Variants in UHRF2 observed in about 807,000 individuals in gnomAD.
The protein encoded by UHRF2 is ubiquitin like with PHD and ring finger domains 2.
UHRF2 carries 23 observed loss-of-function variants against 96.8 expected under a neutral mutation model. The ratio of observed to expected loss-of-function variants is 0.24; its 90% CI spans 0.17 to 0.34. UHRF2 has a LOEUF of 0.34. Ranked by LOEUF, UHRF2 falls within the 10% of genes least tolerant of loss-of-function variation. UHRF2 has a pLI of 1.00. For missense variants in UHRF2, 685 were observed against 981.5 expected, an observed-to-expected ratio of 0.70 and a Z score of 4.04; for synonymous variants, 385 against 332.6, an observed-to-expected ratio of 1.16 and a Z score of -1.72.
intron 5 of UHRF2, among the ~76,000 whole-genome samples, chr9:6,476,562 G>T (rs1468002208): frequency 6.6e-6 from 1 of 152,042 alleles, no homozygotes; most frequent in South Asian, 2.1e-4. Context: ...TAGATTCTAG[G>T]TCTTTTAATT....
At chr9:6,438,991 T>C (rs1287074563) in intron 3 of UHRF2, among the ~76,000 whole-genome samples, 1 of 152,230 alleles carries the variant, frequency 6.6e-6, no homozygotes, top group Admixed American at 6.5e-5. Flanking sequence ...GTAGAAGATG[T>C]AATTCTAAAA....
In UHRF2 at chr9:6,434,014, A is replaced by C. The variant is rs138712647; in HGVS notation, c.485A>C (p.Lys162Thr). ...TRASDGQSRGKTPLKNGSSCK... is the reference protein window; with the variant it reads ...TRASDGQSRGTTPLKNGSSCK... ...GCTTCTGATGGACAGTCACGTGGCA[A>C]AACTCCACTGAAGAATGGCAGTTCT... Residue 162 changes from lysine to threonine, a missense_variant, in exon 3 of 16, where the codon AAA becomes ACA. Lys to Thr is a moderately conservative substitution (Grantham distance 78). Around this residue, in one of 6 missense-constraint regions of UHRF2, gnomAD observed 391 missense variants for 437.0 expected, o/e 0.89. Transcript: ENST00000276893. 6.2e-7 allele frequency: 1 copy of C among 1,614,130 alleles called. No individual in the cohort carries two copies. Among genetic ancestry groups the C allele is most frequent in the African/African-American group, 1.3e-5 (1 of 75,062 alleles).
Position 6,475,419 on chromosome 9 carries a change from A to G in UHRF2, c.892A>G (p.Lys298Glu), listed in dbSNP as rs771157384. Residue 298 changes from lysine to glutamate, a missense_variant, in exon 5 of 16, where the codon AAG becomes GAG. Physicochemically the swap from Lys to Glu is moderately conservative, Grantham distance 56. This residue lies in a region of UHRF2 where 391 missense variants were observed against 437.0 expected (regional missense o/e 0.89). Transcript: ENST00000276893. ...TTCTGAAGGAACATTAAATGACTGC[A>G]AGATAATATCTGTAGATGAAATCTT... ...GGSEGTLNDC[K>E]IISVDEIFKI... 2 of 1,578,418 alleles carry G rather than the reference A, an allele frequency of 1.3e-6. No individual in the cohort carries two copies. Among genetic ancestry groups the G allele is most frequent in the South Asian group, 2.4e-5 (2 of 83,700 alleles).
intron 2 of UHRF2, among the ~76,000 whole-genome samples, chr9:6,422,148 T>C (rs1339654754): frequency 6.6e-6 from 1 of 152,236 alleles, no homozygotes; most frequent in Non-Finnish European, 1.5e-5. Flanking sequence ...CAAACTACTA[T>C]ACTTGGTTCC....
intron 4 of UHRF2, among the ~76,000 whole-genome samples, chr9:6,469,761 CACGT>C (rs763882994): frequency 1.4e-5 from 2 of 144,782 alleles, no homozygotes; most frequent in Non-Finnish European, 3.0e-5. Flanking sequence ...TATATATACA[CACGT>C]ATATATGTGT....
chr9:6,471,193 G>A (rs1279275958), intron 4 of UHRF2, among the ~76,000 whole-genome samples: 2 of 152,118 alleles, frequency 1.3e-5, no homozygotes, highest in African/African-American at 4.8e-5. Flanking sequence ...AATGAAACAG[G>A]GTGGTATGGT....
At chr9:6,451,731 A>T (rs1046291294) in intron 3 of UHRF2, among the ~76,000 whole-genome samples, 4 of 151,412 alleles carry the variant, frequency 2.6e-5, no homozygotes, top group African/African-American at 4.9e-5. Flanking sequence ...TCGGCCTCCC[A>T]AAGTGCTGGG....
intron 5 of UHRF2, 30 bp from the exon 6 acceptor site, chr9:6,477,592 C>G (rs768116391): frequency 4.5e-6 from 7 of 1,557,888 alleles, no homozygotes; most frequent in East Asian, 2.3e-5. Flanking sequence ...TGTTTTAAGA[C>G]TAGACTTGCT....
chr9:6,433,224 A>G (rs369599038), intron 2 of UHRF2, among the ~76,000 whole-genome samples: 3 of 152,080 alleles, frequency 2.0e-5, no homozygotes, highest in African/African-American at 7.2e-5. Context: ...CTGTTTTTTA[A>G]TACTCCTTCC....
At position 6,500,081 on chromosome 9, in the gene UHRF2, A is replaced by G. The variant is rs1019114977; in HGVS notation, c.2005+150A>G. The G allele has an allele frequency of 5.8e-5, 33 of 569,298 alleles. No homozygotes were observed. The African/African-American group carries it at 5.9e-4, about 10-fold the overall frequency. 35.3% of individuals were successfully genotyped at this position (569,298 alleles called of 1,614,324 possible). Reference sequence around the variant, plus strand: ...TTGACCTCCTGGGCTCAAGCGATCCACCTACCTCAACCTCTGAAGTAGCCC... The same window carrying G: ...TTGACCTCCTGGGCTCAAGCGATCCGCCTACCTCAACCTCTGAAGTAGCCC... On this transcript the variant is annotated intron_variant, in intron 13 of 15. Transcript: ENST00000276893.
At chr9:6,446,548 A>C (rs956686553) in intron 3 of UHRF2, among the ~76,000 whole-genome samples, 2 of 151,560 alleles carry the variant, frequency 1.3e-5, no homozygotes, top group African/African-American at 4.8e-5. Context: ...CGGTCTACAT[A>C]CTCTTAAATA....
intron 2 of UHRF2, among the ~76,000 whole-genome samples, chr9:6,422,228 C>T (rs73399669): frequency 0.018 from 2,690 of 152,192 alleles, 74 homozygotes; most frequent in African/African-American, 0.062. Flanking sequence ...ATTACAGGCG[C>T]GTACCACCAT....
In UHRF2 at chr9:6,421,029, C is replaced by A. The variant is rs1199675504; in HGVS notation, c.271C>A (p.Pro91Thr). 5 of 1,614,146 alleles carry A rather than the reference C, an allele frequency of 3.1e-6. No homozygotes were observed. Among genetic ancestry groups the A allele is most frequent in the Non-Finnish European group, 4.2e-6 (5 of 1,180,016 alleles). ...PGTSTQIEAK[P>T]CSNSPPKVKK... ...CACATCTACACAGATTGAGGCTAAA[C>A]CCTGTTCTAATAGTCCACCTAAAGT... Residue 91 changes from proline (P) to threonine (T), a missense_variant, in exon 2 of 16, where the codon CCC becomes ACC. Pro to Thr is a conservative substitution (Grantham distance 38). This residue lies in a region of UHRF2 where 391 missense variants were observed against 437.0 expected (regional missense o/e 0.89). Coordinates refer to ENST00000276893, the MANE Select transcript of UHRF2 (RefSeq NM_152896.3).
chr9:6,474,027 C>G (rs1823410559), intron 4 of UHRF2, among the ~76,000 whole-genome samples: 1 of 151,296 alleles, frequency 6.6e-6, no homozygotes, highest in African/African-American at 2.5e-5. Flanking sequence ...CAAACACAGG[C>G]AAAACTGTTT....
chr9:6,441,231 A>G (rs1821143845), intron 3 of UHRF2, among the ~76,000 whole-genome samples: 1 of 151,718 alleles, frequency 6.6e-6, no homozygotes, highest in South Asian at 2.1e-4. Context: ...AAACTCAGCC[A>G]CCTATGGTGG....
chr9:6,456,474 C>T (rs1032752903), intron 3 of UHRF2, among the ~76,000 whole-genome samples: 10 of 152,092 alleles, frequency 6.6e-5, no homozygotes, highest in African/African-American at 2.4e-4. Flanking sequence ...TTCTCTCGTT[C>T]TGTAGGTTGC....
At chr9:6,498,421 T>C in intron 12 of UHRF2, 3 of 287,036 alleles carry the variant, frequency 1.0e-5, no homozygotes, top group Non-Finnish European at 1.9e-5. Context: ...AATTTGGAAA[T>C]GACTTGAAGT....
In UHRF2 at chr9:6,477,665, A is replaced by G. The variant is rs1823667082; in HGVS notation, c.1017A>G (p.Glu339=). The stretch of plus-strand genomic sequence containing the variant: ...GTGACCTGTGTGGTGGAGACCCAGA[A>G]AAGAAATGTCATTCTTGCTCCTGTC... The part of the protein sequence containing the change: ...PECDLCGGDP[E]KKCHSCSCRV... The change falls in exon 6 of 16, where the codon GAA becomes GAG. Residue 339 remains glutamate (E), a synonymous_variant. Transcript: ENST00000276893. 1.2e-6 allele frequency: 2 copies of G among 1,614,126 alleles called. No homozygotes were observed. Among genetic ancestry groups the G allele is most frequent in the Non-Finnish European group, 1.7e-6 (2 of 1,179,992 alleles).
intron 3 of UHRF2, among the ~76,000 whole-genome samples, chr9:6,434,810 C>A (rs1454462738): frequency 2.0e-5 from 3 of 151,944 alleles, no homozygotes; most frequent in Non-Finnish European, 4.4e-5. Flanking sequence ...AGTGTAATAG[C>A]ATTAGAGTGA....
Sources: gnomAD v4.1 joint callset for allele counts (sites outside exome capture counted in the v4.1 genomes callset) on GRCh38, gnomAD v4.1.1 for gene constraint, gnomAD v4.1.1 regional missense constraint, MANE v1.5 for transcripts, NCBI Gene and HGNC (gene_info 2026-07-23, HGNC 2026-07-21) for gene names.